Variants in KNTC1 observed in about 807,000 individuals in gnomAD.
KNTC1 encodes kinetochore-associated protein 1.
A neutral mutation model predicts 314.4 loss-of-function variants in KNTC1; 253 were observed. The observed-to-expected ratio is 0.80, with a 90% confidence interval of 0.73 to 0.89. The LOEUF (loss-of-function observed/expected upper bound fraction) is 0.89, where lower values mean the gene tolerates loss of function less well. Ranked by LOEUF, KNTC1 falls within the 40% of genes least tolerant of loss-of-function variation. KNTC1 has a pLI of 0.00. For synonymous variants in KNTC1, 901 were observed against 901.4 expected (o/e 1.00, Z 0.01); for missense variants, 2,475 against 2,572.9 (o/e 0.96, Z 0.82).
rs557253165 is a variant in KNTC1 at position 122,555,004 on chromosome 12, C to T, written c.1273-2380C>T. ...AGGCTGCAGTGAGCTATGATTACACCGCTGCATTTTAGCCTGAGTGACAGA... is the reference window on the plus strand; with the variant it reads ...AGGCTGCAGTGAGCTATGATTACACTGCTGCATTTTAGCCTGAGTGACAGA... On this transcript the variant is annotated intron_variant, in intron 16 of 63. Transcript: ENST00000333479. 4.0e-5 allele frequency among the ~76,000 whole-genome samples: 6 copies of T among 151,768 alleles called. No homozygotes were observed. The East Asian group carries it at 7.8e-4, about 20-fold the overall frequency.
chr12:122,543,509 G>A (rs923778215), intron 6 of KNTC1, 91 bp from the exon 7 acceptor site: 39 of 931,902 alleles, frequency 4.2e-5, no homozygotes, highest in Non-Finnish European at 6.0e-5. Flanking sequence ...GAACTAGATT[G>A]TATTTAATTT....
chr12:122,613,640 G>A lies in KNTC1; in HGVS notation c.5756G>A (p.Cys1919Tyr), dbSNP rs747314540. 1 of 1,608,710 alleles carries A rather than the reference G, an allele frequency of 6.2e-7. No homozygotes were observed. The highest frequency in any genetic ancestry group is 1.1e-5 in the South Asian group (1 of 89,884). The stretch of plus-strand genomic sequence containing the variant: ...CTGTTTTCCAGATCTTATTTGAGAT[G>A]TATAACTTTTCTGGCATCATTTGAG... ...PIEEVKSYLR[C>Y]ITFLASFETL... Residue 1919 changes from cysteine (C) to tyrosine (Y), a missense_variant, in exon 55 of 64, where the codon TGT becomes TAT. Cys to Tyr is a radical substitution (Grantham distance 194). Transcript: ENST00000333479.
At chr12:122,533,129 A>C (rs1269267494) in intron 2 of KNTC1, among the ~76,000 whole-genome samples, 1 of 152,080 alleles carries the variant, frequency 6.6e-6, no homozygotes, top group East Asian at 1.9e-4. Flanking sequence ...TAGAGAGAAC[A>C]GTGTGGACAG....
intron 20 of KNTC1, among the ~76,000 whole-genome samples, chr12:122,563,132 C>A (rs778545635): frequency 6.6e-6 from 1 of 151,820 alleles, no homozygotes; most frequent in African/African-American, 2.4e-5. Context: ...ATAGAAAATA[C>A]TAGTTTTTCA....
intron 37 of KNTC1, 50 bp downstream of exon 37, chr12:122,585,824 A>T: frequency 6.3e-7 from 1 of 1,578,870 alleles, no homozygotes; most frequent in Non-Finnish European, 8.7e-7. Flanking sequence ...TCTTATGTAA[A>T]TTTAAACTGT....
rs1331515573 is a variant in KNTC1 at position 122,604,876 on chromosome 12, G to T, written c.5176-1G>T. 4 of 1,595,974 alleles carry T rather than the reference G, an allele frequency of 2.5e-6. No individual in the cohort carries two copies. Among genetic ancestry groups the T allele is most frequent in the Non-Finnish European group, 3.4e-6 (4 of 1,170,988 alleles). On this transcript the variant is annotated splice_acceptor_variant, in intron 49 of 63. Coordinates refer to ENST00000333479, the MANE Select transcript of KNTC1 (RefSeq NM_014708.6). LOFTEE classifies it high-confidence loss of function. Reference sequence around the variant, plus strand: ...TCTTTTTGCTTGGAATTGTTTAAAAGGACGAAAAACGTGAAAAAGCCGAGG... The same window carrying T: ...TCTTTTTGCTTGGAATTGTTTAAAATGACGAAAAACGTGAAAAAGCCGAGG...
chr12:122,626,313 C>A lies in KNTC1; in HGVS notation c.*85C>A, dbSNP rs1875046369. On this transcript the variant is annotated 3_prime_UTR_variant, in exon 64 of 64. Coordinates refer to ENST00000333479, the MANE Select transcript of KNTC1 (RefSeq NM_014708.6). ...TATTTATTACAGTTTTTAAATTGTA[C>A]AATCTCTGTATTATAGCTATTTGTC... is the stretch of plus-strand genomic sequence containing the variant. The A allele has an allele frequency of 5.5e-6, 5 of 908,044 alleles. No homozygotes were observed. The highest frequency in any genetic ancestry group is 2.2e-5 in the Admixed American group (1 of 45,476). The allele number at this position is 908,044 out of a possible 1,614,324, so 56.2% of individuals were successfully genotyped here. A position where few individuals can be genotyped will look rare whatever the true frequency, so the allele number is the denominator to read the frequency against.
At chr12:122,530,608 G>A (rs145672721) in intron 2 of KNTC1, among the ~76,000 whole-genome samples, 7,770 of 151,854 alleles carry the variant, frequency 0.051, 639 homozygotes, top group African/African-American at 0.18. Flanking sequence ...GTGCCACCAT[G>A]CTCAGCTAAT....
intron 63 of KNTC1, among the ~76,000 whole-genome samples, chr12:122,625,818 T>G (rs6489158): frequency 0.63 from 96,055 of 151,994 alleles, 30,504 homozygotes; most frequent in East Asian, 0.84. Flanking sequence ...TTTGGTAGCT[T>G]TATTTTTTAT....
chr12:122,567,566 C>T lies in KNTC1; in HGVS notation c.1605-695C>T, dbSNP rs565144630. On this transcript the variant is annotated intron_variant, in intron 20 of 63. Transcript: ENST00000333479. ...ACTTATTTAAAAAATAGGCTGGGCA[C>T]GGTGGCTCATGCCTGTAATCGCAAC... Among the ~76,000 whole-genome samples the T allele has an allele frequency of 5.9e-5, 9 of 151,994 alleles. No homozygotes were observed. The East Asian group carries it at 9.7e-4, about 16-fold the overall frequency.
chr12:122,588,773 CTG>C lies in KNTC1; in HGVS notation c.3958_3959del (p.Val1320TyrfsTer16). On this transcript the variant is annotated frameshift_variant, in exon 40 of 64. Coordinates refer to ENST00000333479, the MANE Select transcript of KNTC1 (RefSeq NM_014708.6). ...GTTGTTATGGAATTGAAAGAAAAAG[CTG>C]TTATATTTATCAGGGAAAATGCTAC... 6.4e-7 allele frequency: 1 copy of C among 1,567,110 alleles called. No homozygotes were observed. The highest frequency in any genetic ancestry group is 8.7e-7 in the Non-Finnish European group (1 of 1,155,558).
Position 122,547,946 on chromosome 12 carries a change from C to CT in KNTC1, c.965dup (p.Thr323AspfsTer5). ...AATTACAAATCTCAAATTAATAGCT[C>CT]TGACAGCTTCAGCTAATAAGAAGGT... On this transcript the variant is annotated frameshift_variant, in exon 12 of 64. Transcript: ENST00000333479. LOFTEE classifies it high-confidence loss of function. 6.4e-7 allele frequency: 1 copy of CT among 1,552,246 alleles called. No individual in the cohort carries two copies. Among genetic ancestry groups the CT allele is most frequent in the Non-Finnish European group, 8.7e-7 (1 of 1,153,940 alleles).
chr12:122,618,235 G>A (rs1434883539), intron 57 of KNTC1, 108 bp from the exon 58 acceptor site: 2 of 901,262 alleles, frequency 2.2e-6, no homozygotes, highest in African/African-American at 1.7e-5. Context: ...GCCTTTCAAA[G>A]TGCTGGGATT....
At chr12:122,584,753 G>A (rs959125953) in intron 35 of KNTC1, 140 bp from the exon 36 acceptor site, 3 of 562,008 alleles carry the variant, frequency 5.3e-6, no homozygotes, top group Non-Finnish European at 9.2e-6. Flanking sequence ...AACTTTTTAG[G>A]GTAGTCAAAG....
chr12:122,550,183 C>T (rs1306833149), intron 13 of KNTC1, among the ~76,000 whole-genome samples: 1 of 152,058 alleles, frequency 6.6e-6, no homozygotes, highest in Non-Finnish European at 1.5e-5. Context: ...ATTTATGTAA[C>T]TAATTTACAT....
intron 43 of KNTC1, among the ~76,000 whole-genome samples, chr12:122,596,849 CA>C (rs1389309382): frequency 6.6e-6 from 1 of 150,826 alleles, no homozygotes. Context: ...CTCAAAGAAA[CA>C]AAAAAAAATC....
rs1298363121 is a variant in KNTC1, at chr12:122,541,257, G to GTGCT, written c.446-789_446-786dup. 3.1e-5 allele frequency among the ~76,000 whole-genome samples: 4 copies of GTGCT among 128,026 alleles called. No homozygotes were observed. The East Asian group carries it at 9.5e-4, about 30-fold the overall frequency. 84.0% of individuals were successfully genotyped at this position (128,026 alleles called of 152,430 possible). On this transcript the variant is annotated intron_variant, in intron 5 of 63. Transcript: ENST00000333479. ...AGGTAGTTCCAGATACTGTTTGTTT[G>GTGCT]TGCTTGCCTGCCTGCCTGCCTGCCT...
At chr12:122,622,685 A>C in intron 62 of KNTC1, 78 bp downstream of exon 62, 1 of 1,207,334 alleles carries the variant, frequency 8.3e-7, no homozygotes, top group Non-Finnish European at 1.1e-6. Flanking sequence ...ACGATGGCTC[A>C]CGACTGTAAT....
At chr12:122,609,915 T>G (rs181160736) in intron 52 of KNTC1, among the ~76,000 whole-genome samples, 3 of 152,330 alleles carry the variant, frequency 2.0e-5, no homozygotes, top group Middle Eastern at 3.4e-3. Flanking sequence ...TCAGAACGAA[T>G]GTGGCAATCC....
Sources: allele counts gnomAD v4.1 joint callset (sites outside exome capture counted in the v4.1 genomes callset), GRCh38; gene constraint gnomAD v4.1.1; transcripts MANE v1.5; gene names NCBI Gene and HGNC (gene_info 2026-07-23, HGNC 2026-07-21).